GALNT13: variants seen among roughly 807,000 people sequenced by gnomAD.
The protein encoded by GALNT13 is polypeptide N-acetylgalactosaminyltransferase 13.
Under a neutral mutation model 64.2 loss-of-function variants are expected in GALNT13, and 28 were observed. The ratio of observed to expected loss-of-function variants is 0.44; its 90% CI spans 0.32 to 0.60. GALNT13 has a LOEUF of 0.60. Ranked by LOEUF, GALNT13 falls within the 20% of genes least tolerant of loss-of-function variation. GALNT13 has a pLI of 0.05. For missense variants in GALNT13, 577 were observed against 669.8 expected (o/e 0.86, Z 1.53); for synonymous variants, 214 against 224.6 (o/e 0.95, Z 0.42).
the GALNT13 span, among the ~76,000 whole-genome samples, chr2:153,743,554 T>C: frequency 6.6e-6 from 1 of 152,068 alleles, no homozygotes; most frequent in Non-Finnish European, 1.5e-5. Flanking sequence ...TGTGGGTATA[T>C]TATAGAGGCA....
chr2:154,043,983 T>C (rs1699151145), intron 3 of GALNT13, among the ~76,000 whole-genome samples: 1 of 151,872 alleles, frequency 6.6e-6, no homozygotes, highest in Admixed American at 6.6e-5. Context: ...TGAGGCAGAA[T>C]ATCACTTGAA....
At chr2:154,029,999 G>C (rs1698238283) in intron 3 of GALNT13, among the ~76,000 whole-genome samples, 1 of 152,100 alleles carries the variant, frequency 6.6e-6, no homozygotes, top group Non-Finnish European at 1.5e-5. Flanking sequence ...TGAGAGCTGA[G>C]GTAGAATAGT....
At chr2:153,709,287 C>A in the GALNT13 span, among the ~76,000 whole-genome samples, 5 of 151,594 alleles carry the variant, frequency 3.3e-5, no homozygotes, top group Non-Finnish European at 7.4e-5. Context: ...ACAACAACAA[C>A]AAAAACAAAA....
At chr2:153,478,182 G>T in the GALNT13 span, 2 of 1,441,184 alleles carry the variant, frequency 1.4e-6, no homozygotes, top group Non-Finnish European at 1.9e-6. Flanking sequence ...GGGCACAGCC[G>T]GGCTAGCAAA....
chr2:154,108,076 A>T lies in GALNT13; in HGVS notation c.143-32261A>T, dbSNP rs372374030. On this transcript the variant is annotated intron_variant, in intron 3 of 12. Transcript: ENST00000392825. ...CTGCAACATACATGGGGGTGCCGAC[A>T]TTCCTTTGACAAATTCAAATCTTTT... 1.1e-4 allele frequency among the ~76,000 whole-genome samples: 17 copies of T among 152,176 alleles called. 1 individual carries two copies. The East Asian group carries it at 2.1e-3, about 19-fold the overall frequency.
At chr2:153,117,209 A>G in the GALNT13 span, among the ~76,000 whole-genome samples, 1 of 152,198 alleles carries the variant, frequency 6.6e-6, no homozygotes, top group Non-Finnish European at 1.5e-5. Flanking sequence ...TCTTTGATCT[A>G]CGAAAGTCTT....
At chr2:154,153,563 T>C (rs1684200774) in intron 4 of GALNT13, among the ~76,000 whole-genome samples, 1 of 152,224 alleles carries the variant, frequency 6.6e-6, no homozygotes, top group East Asian at 1.9e-4. Context: ...GCAGGCCTCC[T>C]TGAGCTGTGG....
chr2:153,605,478 A>G, the GALNT13 span, among the ~76,000 whole-genome samples: 1 of 152,114 alleles, frequency 6.6e-6, no homozygotes, highest in Non-Finnish European at 1.5e-5. Context: ...CTTAAATATA[A>G]GGATGTCTTT....
At chr2:153,086,105 C>A in the GALNT13 span, among the ~76,000 whole-genome samples, 2 of 152,138 alleles carry the variant, frequency 1.3e-5, no homozygotes, top group African/African-American at 4.8e-5. Context: ...TCCAATTTCT[C>A]CTATTTGGAA....
At chr2:154,318,123 AT>A (rs1178798271) in intron 9 of GALNT13, among the ~76,000 whole-genome samples, 3 of 151,986 alleles carry the variant, frequency 2.0e-5, no homozygotes, top group Admixed American at 6.6e-5. Context: ...GAGTTTTGAA[AT>A]TTTTTTGGAA....
At chr2:153,281,124 G>T in the GALNT13 span, among the ~76,000 whole-genome samples, 2 of 152,034 alleles carry the variant, frequency 1.3e-5, no homozygotes, top group African/African-American at 4.8e-5. Context: ...GTCTTTCTTT[G>T]TCCTTTTATA....
the GALNT13 span, among the ~76,000 whole-genome samples, chr2:153,096,880 A>T: frequency 8.5e-5 from 13 of 152,156 alleles, no homozygotes; most frequent in African/African-American, 3.1e-4. Context: ...ATTATTGACA[A>T]GTAAGGACTT....
chr2:153,593,879 C>A, the GALNT13 span, among the ~76,000 whole-genome samples: 2 of 152,040 alleles, frequency 1.3e-5, no homozygotes, highest in African/African-American at 4.8e-5. Flanking sequence ...TCTTTGAAAT[C>A]TTGTACAGAG....
intron 3 of GALNT13, among the ~76,000 whole-genome samples, chr2:154,074,449 A>C (rs1574455566): frequency 6.6e-6 from 1 of 151,964 alleles, no homozygotes; most frequent in East Asian, 1.9e-4. Flanking sequence ...TTTTCACACA[A>C]CTTGTTGAGG....
chr2:153,069,537 T>C, the GALNT13 span, among the ~76,000 whole-genome samples: 3 of 152,168 alleles, frequency 2.0e-5, no homozygotes, highest in South Asian at 4.1e-4. Flanking sequence ...CTCAGAATTA[T>C]TTGAATCAGG....
the GALNT13 span, among the ~76,000 whole-genome samples, chr2:153,131,108 T>C: frequency 6.6e-6 from 1 of 152,160 alleles, no homozygotes; most frequent in South Asian, 2.1e-4. Context: ...TAAATATTAA[T>C]AGTAACACAG....
At position 154,050,785 on chromosome 2, in the gene GALNT13, T is replaced by A. The variant is rs548033002; in HGVS notation, c.143-89552T>A. On this transcript the variant is annotated intron_variant, in intron 3 of 12. Transcript: ENST00000392825. Reference sequence around the variant, plus strand: ...TGCTGAATATTTTATTACCTTTTTCTACACACTCACCATCTTCAAAATCAA... The same window carrying A: ...TGCTGAATATTTTATTACCTTTTTCAACACACTCACCATCTTCAAAATCAA... Among the ~76,000 whole-genome samples the A allele has an allele frequency of 2.6e-5, 4 of 152,338 alleles. No homozygotes were observed. In the South Asian group the frequency reaches 8.3e-4, roughly 32 times the overall value.
At chr2:153,611,397 T>C in the GALNT13 span, among the ~76,000 whole-genome samples, 133,891 of 152,002 alleles carry the variant, frequency 0.88, 59,037 homozygotes, top group East Asian at 0.98. Flanking sequence ...GAGACAGAGT[T>C]TTGCTTTGTA....
At chr2:153,283,176 C>T in the GALNT13 span, among the ~76,000 whole-genome samples, 1 of 152,180 alleles carries the variant, frequency 6.6e-6, no homozygotes, top group Admixed American at 6.5e-5. Flanking sequence ...ACAGGGCTGG[C>T]CCATCTACAG....
Sources: allele counts gnomAD v4.1 joint callset (sites outside exome capture counted in the v4.1 genomes callset), GRCh38; gene constraint gnomAD v4.1.1; transcripts MANE v1.5; gene names NCBI Gene and HGNC (gene_info 2026-07-23, HGNC 2026-07-21).